Variants in DYNC2H1 observed in about 807,000 individuals in gnomAD.
DYNC2H1 encodes the protein dynein cytoplasmic 2 heavy chain 1.
A neutral mutation model predicts 570.0 loss-of-function variants in DYNC2H1; 410 were observed. The ratio of observed to expected loss-of-function variants is 0.72; its 90% CI spans 0.66 to 0.78. The LOEUF is 0.78. Ranked by LOEUF, DYNC2H1 falls within the 30% of genes least tolerant of loss-of-function variation. DYNC2H1 has a pLI of 0.00. For synonymous variants in DYNC2H1, 1,688 were observed against 1,677.6 expected, an observed-to-expected ratio of 1.01 and a Z score of -0.15; for missense variants, 4,865 against 5,046.4, an observed-to-expected ratio of 0.96 and a Z score of 1.09.
chr11:103,399,659 T>C lies in DYNC2H1; in HGVS notation c.12157-4T>C. 6.2e-7 allele frequency: 1 copy of C among 1,602,652 alleles called. No homozygotes were observed. The highest frequency in any genetic ancestry group is 1.1e-5 in the South Asian group (1 of 89,776). Reference sequence around the variant, plus strand: ...CGGTAAATATTATGACATTTTTCTTTTAGAATTCAAACCTAATACATCAGA... The same window carrying C: ...CGGTAAATATTATGACATTTTTCTTCTAGAATTCAAACCTAATACATCAGA... On this transcript the variant is annotated splice_polypyrimidine_tract_variant and splice_region_variant and intron_variant, in intron 83 of 88. Transcript: ENST00000375735.
intron 18 of DYNC2H1, among the ~76,000 whole-genome samples, chr11:103,144,805 G>T (rs1043699795): frequency 1.3e-5 from 2 of 152,028 alleles, no homozygotes; most frequent in African/African-American, 4.8e-5. Flanking sequence ...ACAGATATAC[G>T]GTGGGATAAA....
intron 70 of DYNC2H1, among the ~76,000 whole-genome samples, chr11:103,266,746 C>T (rs1865521136): frequency 6.6e-6 from 1 of 152,076 alleles, no homozygotes; most frequent in Non-Finnish European, 1.5e-5. Flanking sequence ...GAGCTGTCTG[C>T]CAGTCAGGCA....
chr11:103,430,519 A>G lies in DYNC2H1; in HGVS notation c.12367-5424A>G, dbSNP rs150844452. Among the ~76,000 whole-genome samples the G allele has an allele frequency of 1.2e-3, 188 of 152,140 alleles. 3 individuals carry two copies. The East Asian group carries it at 0.033, about 27-fold the overall frequency. ...CCCTGATTGCAGTTTCGTCTTCCTA[A>G]TGTTGTTCTTCCCATTTCTACTAGG... On this transcript the variant is annotated intron_variant, in intron 84 of 88. Coordinates refer to ENST00000375735, the MANE Select transcript of DYNC2H1 (RefSeq NM_001377.3).
rs144624858 is a variant in DYNC2H1 at position 103,316,598 on chromosome 11, C to T, written c.11703C>T (p.Asn3901=). The T allele has an allele frequency of 1.0e-3, 1,609 of 1,547,104 alleles. 16 individuals carry two copies. In the African/African-American group the frequency reaches 0.02, roughly 19 times the overall value. ...TATCAGATCTTCGGGCTGGGTACAA[C>T]ATTATTGACAGACTTTTTGATGGTA... is the stretch of plus-strand genomic sequence containing the variant. The part of the protein sequence containing the change: ...FSLSDLRAGY[N]IIDRLFDGAK... The change falls in exon 80 of 89, where the codon AAC becomes AAT. Residue 3901 remains asparagine (N), a synonymous_variant. Transcript: ENST00000375735.
rs1453707287 is a variant in DYNC2H1, at chr11:103,322,966, T to C, written c.11935-920T>C. Among the ~76,000 whole-genome samples the C allele has an allele frequency of 2.6e-5, 4 of 152,190 alleles. No homozygotes were observed. In the South Asian group the frequency reaches 8.3e-4, roughly 31 times the overall value. On this transcript the variant is annotated intron_variant, in intron 81 of 88. Coordinates refer to ENST00000375735, the MANE Select transcript of DYNC2H1 (RefSeq NM_001377.3). Reference sequence around the variant, plus strand: ...ATTGGAAGAATTTCAAAGAACAGCATGACTTTCCAAAATGTGACATATTTA... The same window carrying C: ...ATTGGAAGAATTTCAAAGAACAGCACGACTTTCCAAAATGTGACATATTTA...
chr11:103,144,852 T>C (rs1205608844), intron 18 of DYNC2H1, among the ~76,000 whole-genome samples: 1 of 149,992 alleles, frequency 6.7e-6, no homozygotes, highest in African/African-American at 2.5e-5. Flanking sequence ...CTGTCAGTCA[T>C]CCAGAAGACC....
rs12286383 is a variant in DYNC2H1, at chr11:103,171,270, T to G, written c.5334+202T>G. Among the ~76,000 whole-genome samples the G allele has an allele frequency of 0.055, 8,318 of 151,996 alleles. 421 individuals are homozygous for G. Among genetic ancestry groups the G allele is most frequent in the African/African-American group, 0.13 (5,446 of 41,358 alleles). On this transcript the variant is annotated intron_variant, in intron 34 of 88. Transcript: ENST00000375735. ...TCCTACTTTCATTATTCTTTTTTTT[T>G]GGGGGACAGAGTTTTGCTCTTGTTG...
chr11:103,173,438 T>G, intron 35 of DYNC2H1, 133 bp downstream of exon 35: 1 of 605,344 alleles, frequency 1.7e-6, no homozygotes, highest in Non-Finnish European at 2.5e-6. Flanking sequence ...ATTGTACTTA[T>G]AGTGTAGCTA....
rs529012220 is a variant in DYNC2H1 at position 103,275,756 on chromosome 11, C to T, written c.10696-4592C>T. Among the ~76,000 whole-genome samples the T allele has an allele frequency of 3.3e-5, 5 of 152,144 alleles. No homozygotes were observed. The highest frequency in any genetic ancestry group is 2.1e-4 in the South Asian group (1 of 4,814). On this transcript the variant is annotated intron_variant, in intron 70 of 88. Coordinates refer to ENST00000375735, the MANE Select transcript of DYNC2H1 (RefSeq NM_001377.3). This position sits in a 1 kb window ranked among gnomAD's most constrained non-coding sequence, Gnocchi z 4.8. ...TCTGGAGGACCACAGTTTATCCATT[C>T]GGCATCTACTGAAGGAAATCTTGGT...
At chr11:103,460,136 A>C (rs1472250843) in intron 87 of DYNC2H1, among the ~76,000 whole-genome samples, 2 of 152,032 alleles carry the variant, frequency 1.3e-5, no homozygotes, top group Admixed American at 1.3e-4. Flanking sequence ...TTACAGGCAC[A>C]TACCACCACA....
rs1303871791 is a variant in DYNC2H1 at position 103,209,411 on chromosome 11, C to G, written c.8455-465C>G. 6.6e-6 allele frequency among the ~76,000 whole-genome samples: 1 copy of G among 151,606 alleles called. No individual in the cohort carries two copies. Among genetic ancestry groups the G allele is most frequent in the Non-Finnish European group, 1.5e-5 (1 of 67,862 alleles). ...AAATTCCAGTCACAGTGAGAATATA[C>G]TTTTTAGAATGATCAGTTATGAAAT... On this transcript the variant is annotated intron_variant, in intron 52 of 88. Coordinates refer to ENST00000375735, the MANE Select transcript of DYNC2H1 (RefSeq NM_001377.3). The surrounding 1 kb of genome is among the most constrained non-coding windows in gnomAD (Gnocchi z 4.2).
At position 103,132,697 on chromosome 11, in the gene DYNC2H1, T is replaced by TA. The variant is rs777846073; in HGVS notation, c.1954-857dup. ...GTGTGATGAGTTTCCTGCTGGGCCCTACAGTACCAAAGTGGAGCATTTGTA... is the reference window on the plus strand; with the variant it reads ...GTGTGATGAGTTTCCTGCTGGGCCCTAACAGTACCAAAGTGGAGCATTTGTA... On this transcript the variant is annotated intron_variant, in intron 13 of 88. Coordinates refer to ENST00000375735, the MANE Select transcript of DYNC2H1 (RefSeq NM_001377.3). 1.6e-3 allele frequency among the ~76,000 whole-genome samples: 241 copies of TA among 151,772 alleles called. 1 individual carries two copies. The highest frequency in any genetic ancestry group is 2.8e-3 in the Non-Finnish European group (188 of 67,880).
At chr11:103,452,357 C>A (rs1196883999) in intron 85 of DYNC2H1, among the ~76,000 whole-genome samples, 1 of 149,816 alleles carries the variant, frequency 6.7e-6, no homozygotes, top group South Asian at 2.1e-4. Flanking sequence ...TTTTTTGGAT[C>A]TCATGCTTTT....
rs370085499 is a variant in DYNC2H1 at position 103,158,795 on chromosome 11, A to G, written c.4246A>G (p.Asn1416Asp). Residue 1416 changes from asparagine to aspartate, a missense_variant, in exon 27 of 89, where the codon AAT (asparagine) becomes GAT (aspartate). This residue lies in a region of DYNC2H1 where 1,936 missense variants were observed against 1,962.1 expected (regional missense o/e 0.99). Transcript: ENST00000375735. ...DQLQRCQKSLNEFLEEKRSAF... is the reference protein window; with the variant it reads ...DQLQRCQKSLDEFLEEKRSAF... Reference sequence around the variant, plus strand: ...GCTTCAAAGATGTCAGAAATCATTAAATGAATTTTTGGAGGCATGTTTTTT... The same window carrying G: ...GCTTCAAAGATGTCAGAAATCATTAGATGAATTTTTGGAGGCATGTTTTTT... The G allele has an allele frequency of 5.4e-6, 8 of 1,472,140 alleles. No individual in the cohort carries two copies. The African/African-American group carries it at 9.9e-5, about 18-fold the overall frequency. 91.2% of individuals were successfully genotyped at this position (1,472,140 alleles called of 1,614,324 possible).
chr11:103,300,625 T>A (rs1867008547), intron 75 of DYNC2H1, among the ~76,000 whole-genome samples: 2 of 152,016 alleles, frequency 1.3e-5, no homozygotes, highest in Admixed American at 1.3e-4. Context: ...GATTTTTTTC[T>A]CCAACTCAAA....
In DYNC2H1 at chr11:103,324,497, A is replaced by G. The variant is rs1938368480; in HGVS notation, c.12039+507A>G. 6.6e-6 allele frequency among the ~76,000 whole-genome samples: 1 copy of G among 152,194 alleles called. No individual in the cohort carries two copies. The highest frequency in any genetic ancestry group is 6.5e-5 in the Admixed American group (1 of 15,286). ...TCCATCCATCCTTGCTGTGAAGGAC[A>G]TGGTCTTGCTCCAGCTCCTTCACTT... On this transcript the variant is annotated intron_variant, in intron 82 of 88. Transcript: ENST00000375735. The surrounding 1 kb of genome is among the most constrained non-coding windows in gnomAD (Gnocchi z 5.2).
intron 19 of DYNC2H1, 101 bp from the exon 20 acceptor site, chr11:103,148,389 T>C: frequency 8.2e-7 from 1 of 1,223,514 alleles, no homozygotes; most frequent in Non-Finnish European, 1.1e-6. Flanking sequence ...TTGTATTCCA[T>C]GTACTGATTA....
chr11:103,235,537 A>G (rs753317018), intron 61 of DYNC2H1, 135 bp from the exon 62 acceptor site: 71 of 717,698 alleles, frequency 9.9e-5, no homozygotes, highest in Middle Eastern at 2.8e-4. Flanking sequence ...ATATTTTTAC[A>G]TTTTGACTGT....
chr11:103,145,184 A>C lies in DYNC2H1; in HGVS notation c.2702+1789A>C, dbSNP rs1336007660. ...GCATGAACCACCATGCCCGGCCATA[A>C]TAATTAATTGAATTATCTTGTTGGA... On this transcript the variant is annotated intron_variant, in intron 18 of 88. Transcript: ENST00000375735. This position sits in a 1 kb window ranked among gnomAD's most constrained non-coding sequence, Gnocchi z 4.2. 1.3e-5 allele frequency among the ~76,000 whole-genome samples: 2 copies of C among 152,100 alleles called. No homozygotes were observed. Among genetic ancestry groups the C allele is most frequent in the Non-Finnish European group, 2.9e-5 (2 of 68,012 alleles).
Sources: gnomAD v4.1 joint callset for allele counts (sites outside exome capture counted in the v4.1 genomes callset) on GRCh38, gnomAD v4.1.1 for gene constraint, gnomAD v4.1.1 regional missense constraint, Gnocchi (gnomAD v3.1) non-coding constraint, MANE v1.5 for transcripts, NCBI Gene and HGNC (gene_info 2026-07-23, HGNC 2026-07-21) for gene names.